Variants in NELL1 observed in about 807,000 individuals in gnomAD.
NELL1 encodes neural EGFL like 1.
NELL1 carries 76 observed loss-of-function variants against 107.4 expected under a neutral mutation model. That is an observed-to-expected ratio of 0.71 (90% CI 0.59 to 0.86). NELL1 has a LOEUF of 0.86. Among genes scored for constraint, NELL1 ranks in the 40% least tolerant of loss-of-function variants. The pLI is 0.00. For missense variants in NELL1, 1,024 were observed against 1,005.5 expected (o/e 1.02, Z -0.25); for synonymous variants, 353 against 341.2 (o/e 1.03, Z -0.38).
chr11:21,357,697 C>G (rs1380716326), intron 14 of NELL1, among the ~76,000 whole-genome samples: 1 of 152,106 alleles, frequency 6.6e-6, no homozygotes, highest in African/African-American at 2.4e-5. Flanking sequence ...TGCTTTTGCG[C>G]TCTTGGTAAT....
chr11:21,562,806 T>A (rs2134004165), intron 17 of NELL1, among the ~76,000 whole-genome samples: 1 of 151,232 alleles, frequency 6.6e-6, no homozygotes, highest in African/African-American at 2.4e-5. Context: ...CAACAAAAGG[T>A]CAAGACTTAC....
chr11:21,348,550 T>C (rs1478392132), intron 14 of NELL1, among the ~76,000 whole-genome samples: 2 of 152,164 alleles, frequency 1.3e-5, no homozygotes, highest in African/African-American at 2.4e-5. Flanking sequence ...TTATAATGTT[T>C]GGATAAAAAT....
intron 12 of NELL1, among the ~76,000 whole-genome samples, chr11:21,098,056 T>C (rs1854695067): frequency 6.6e-6 from 1 of 152,140 alleles, no homozygotes; most frequent in African/African-American, 2.4e-5. Flanking sequence ...GGATGAAGTT[T>C]ACACTCTAAA....
intron 3 of NELL1, among the ~76,000 whole-genome samples, chr11:20,811,879 A>G (rs1456641226): frequency 6.6e-6 from 1 of 152,078 alleles, no homozygotes; most frequent in Non-Finnish European, 1.5e-5. Context: ...TGTTGTCTGC[A>G]AACAAGGACA....
At chr11:20,847,470 A>C in intron 3 of NELL1, 113 bp from the exon 4 acceptor site, 1 of 1,104,980 alleles carries the variant, frequency 9.0e-7, no homozygotes, top group South Asian at 1.7e-5. Flanking sequence ...TCTTTGTGCC[A>C]TGTTTAGCTA....
intron 15 of NELL1, among the ~76,000 whole-genome samples, chr11:21,497,366 C>T (rs904352508): frequency 4.6e-5 from 7 of 152,084 alleles, no homozygotes; most frequent in African/African-American, 1.7e-4. Context: ...CAGATCTTTT[C>T]CTCTGGTCAT....
At chr11:21,381,153 A>G (rs1851598954) in intron 15 of NELL1, among the ~76,000 whole-genome samples, 2 of 152,042 alleles carry the variant, frequency 1.3e-5, no homozygotes, top group Non-Finnish European at 1.5e-5. Flanking sequence ...CCCAAGGGCA[A>G]TTAAACTTAA....
intron 14 of NELL1, among the ~76,000 whole-genome samples, chr11:21,266,181 C>A (rs1463953654): frequency 7.3e-6 from 1 of 137,850 alleles, no homozygotes; most frequent in Non-Finnish European, 1.7e-5. Flanking sequence ...AGTTCGCATT[C>A]CATTTAGGTA....
chr11:20,946,360 T>A (rs1261873021), intron 10 of NELL1, among the ~76,000 whole-genome samples: 1 of 152,170 alleles, frequency 6.6e-6, no homozygotes, highest in African/African-American at 2.4e-5. Context: ...ATGTTTTAGA[T>A]AAAATAAGGA....
At chr11:20,871,037 A>C (rs1849185623) in intron 4 of NELL1, among the ~76,000 whole-genome samples, 1 of 152,222 alleles carries the variant, frequency 6.6e-6, no homozygotes, top group East Asian at 1.9e-4. Flanking sequence ...ACAGCAGCTG[A>C]GAGAAAGAGT....
chr11:20,939,976 G>C (rs1850814504), intron 10 of NELL1, among the ~76,000 whole-genome samples: 1 of 152,154 alleles, frequency 6.6e-6, no homozygotes. Context: ...AATGGGCTCA[G>C]CTTAATGATT....
At chr11:21,573,519 A>G (rs1857152587) in intron 19 of NELL1, 110 bp downstream of exon 19, 1 of 915,560 alleles carries the variant, frequency 1.1e-6, no homozygotes, top group Non-Finnish European at 1.7e-6. Flanking sequence ...ACATGGTGGA[A>G]ACTCTGGCAT....
chr11:21,064,410 G>C (rs567379609), intron 12 of NELL1, among the ~76,000 whole-genome samples: 40 of 152,308 alleles, frequency 2.6e-4, no homozygotes, highest in African/African-American at 9.6e-4. Context: ...AGGGTGTTAA[G>C]AGAGGAGGGG....
intron 17 of NELL1, among the ~76,000 whole-genome samples, chr11:21,561,769 C>T (rs1454567192): frequency 6.6e-6 from 1 of 152,028 alleles, no homozygotes; most frequent in Non-Finnish European, 1.5e-5. Flanking sequence ...ATTCCATGTA[C>T]TTCCTTGTAT....
At chr11:21,297,943 C>A (rs559771555) in intron 14 of NELL1, among the ~76,000 whole-genome samples, 1 of 151,924 alleles carries the variant, frequency 6.6e-6, no homozygotes, top group East Asian at 1.9e-4. Flanking sequence ...AAGAGGAGAG[C>A]AAAATAGGGC....
intron 13 of NELL1, among the ~76,000 whole-genome samples, chr11:21,124,764 G>A (rs1474885143): frequency 6.6e-6 from 1 of 152,024 alleles, no homozygotes; most frequent in Non-Finnish European, 1.5e-5. Flanking sequence ...ACCACACCCA[G>A]CTAATTTTGT....
intron 15 of NELL1, among the ~76,000 whole-genome samples, chr11:21,513,525 A>G (rs1052021236): frequency 6.6e-6 from 1 of 152,204 alleles, no homozygotes; most frequent in African/African-American, 2.4e-5. Flanking sequence ...ATATTTACAT[A>G]CAGATGGAAA....
chr11:21,433,507 A>C (rs911784929), intron 15 of NELL1, among the ~76,000 whole-genome samples: 6 of 152,114 alleles, frequency 3.9e-5, no homozygotes, highest in African/African-American at 1.4e-4. Flanking sequence ...AGTGTGTATG[A>C]GTTCCCTTTT....
chr11:20,675,495 C>T lies in NELL1; in HGVS notation c.56-2437C>T, dbSNP rs1158054159. Reference sequence around the variant, plus strand: ...GGTCTTAAGTTGAGAGCCTGCCTGCCATCTGTCCAGGCCTGTGAAAGGCAC... The same window carrying T: ...GGTCTTAAGTTGAGAGCCTGCCTGCTATCTGTCCAGGCCTGTGAAAGGCAC... On this transcript the variant is annotated intron_variant, in intron 1 of 19. Coordinates refer to ENST00000357134, the MANE Select transcript of NELL1 (RefSeq NM_006157.5). Among the ~76,000 whole-genome samples, 4 of 152,258 alleles carry T rather than the reference C, an allele frequency of 2.6e-5. No individual in the cohort carries two copies. In the South Asian group the frequency reaches 8.3e-4, roughly 32 times the overall value.
Sources: gnomAD v4.1 joint callset for allele counts (sites outside exome capture counted in the v4.1 genomes callset) on GRCh38, gnomAD v4.1.1 for gene constraint, MANE v1.5 for transcripts, NCBI Gene and HGNC (gene_info 2026-07-23, HGNC 2026-07-21) for gene names.